Variants in NAALADL2 observed in about 807,000 individuals in gnomAD.
NAALADL2 encodes N-acetylated alpha-linked acidic dipeptidase like 2.
In NAALADL2, 76 loss-of-function variants were observed where a neutral mutation model predicts 87.2. The ratio of observed to expected loss-of-function variants is 0.87; its 90% CI spans 0.72 to 1.05. The LOEUF (loss-of-function observed/expected upper bound fraction) is 1.05, where lower values mean the gene tolerates loss of function less well. Ranked by LOEUF, NAALADL2 falls within the 50% of genes least tolerant of loss-of-function variation. The pLI is 0.00. For synonymous variants in NAALADL2, 354 were observed against 331.0 expected (o/e 1.07, Z -0.75); for missense variants, 1,089 against 945.8 (o/e 1.15, Z -1.99).
chr3:174,747,981 G>A (rs948481672), intron 3 of NAALADL2, among the ~76,000 whole-genome samples: 12 of 152,078 alleles, frequency 7.9e-5, no homozygotes, highest in East Asian at 1.9e-4. Context: ...CTATGCAGCC[G>A]TAAAAGGGAA....
At chr3:174,471,429 A>C (rs192148795) in intron 1 of NAALADL2, among the ~76,000 whole-genome samples, 1 of 152,232 alleles carries the variant, frequency 6.6e-6, no homozygotes, top group African/African-American at 2.4e-5. Context: ...GGTACTAGAA[A>C]CAGTTACTCC....
chr3:174,672,085 C>G (rs1726606391), intron 2 of NAALADL2, among the ~76,000 whole-genome samples: 1 of 151,994 alleles, frequency 6.6e-6, no homozygotes, highest in African/African-American at 2.4e-5. Flanking sequence ...ATATCCTTAA[C>G]TGATTAAGGT....
chr3:175,295,373 C>G (rs1031072680), intron 4 of NAALADL2, among the ~76,000 whole-genome samples: 1 of 152,052 alleles, frequency 6.6e-6, no homozygotes, highest in East Asian at 1.9e-4. Context: ...AACCTGAATT[C>G]GTTTCTTTTC....
At chr3:175,322,249 A>C (rs906029906) in intron 4 of NAALADL2, among the ~76,000 whole-genome samples, 27 of 150,068 alleles carry the variant, frequency 1.8e-4, no homozygotes, top group Non-Finnish European at 5.9e-5. Context: ...AGGATTCCCT[A>C]TTTAATAAAT....
In NAALADL2 at chr3:175,803,419, A is replaced by C. The variant is rs1754427187; in HGVS notation, c.*216A>C. On this transcript the variant is annotated 3_prime_UTR_variant, in exon 14 of 14. Coordinates refer to ENST00000454872, the MANE Select transcript of NAALADL2 (RefSeq NM_207015.3). ...TCTACATTTCTGAATATGTAAAGCA[A>C]GTTATTGAAATAGGACTTAAGAATT... The C allele has an allele frequency of 2.8e-6, 1 of 350,942 alleles. No individual in the cohort carries two copies. Among genetic ancestry groups the C allele is most frequent in the African/African-American group, 2.1e-5 (1 of 47,448 alleles). The allele number at this position is 350,942 out of a possible 1,614,324, so 21.7% of individuals were successfully genotyped here. A position where few individuals can be genotyped will look rare whatever the true frequency, so the allele number is the denominator to read the frequency against.
At chr3:174,628,110 G>A (rs1046938486) in intron 2 of NAALADL2, among the ~76,000 whole-genome samples, 3 of 152,114 alleles carry the variant, frequency 2.0e-5, no homozygotes, top group Non-Finnish European at 2.9e-5. Flanking sequence ...AAACATAATT[G>A]TTGTTAAGAA....
At chr3:174,756,563 G>C (rs995506670) in intron 3 of NAALADL2, among the ~76,000 whole-genome samples, 1 of 152,230 alleles carries the variant, frequency 6.6e-6, no homozygotes, top group Non-Finnish European at 1.5e-5. Flanking sequence ...TCTCAGAGCA[G>C]AATTAAGATG....
At chr3:175,286,932 A>G (rs1390905384) in intron 4 of NAALADL2, among the ~76,000 whole-genome samples, 1 of 148,584 alleles carries the variant, frequency 6.7e-6, no homozygotes, top group East Asian at 2.0e-4. Flanking sequence ...ACAAAAACAA[A>G]TCAGCAAGGC....
intron 1 of NAALADL2, among the ~76,000 whole-genome samples, chr3:174,909,317 C>T (rs908707417): frequency 1.3e-5 from 2 of 152,008 alleles, no homozygotes; most frequent in African/African-American, 2.4e-5. Context: ...TTGCTTGAAT[C>T]CCGGGAGACA....
chr3:174,668,420 G>A (rs1291176221), intron 2 of NAALADL2, among the ~76,000 whole-genome samples: 3 of 88,924 alleles, frequency 3.4e-5, no homozygotes, highest in Non-Finnish European at 8.5e-5. Context: ...CTTATAATTT[G>A]AGGTCTTTTT....
intron 4 of NAALADL2, among the ~76,000 whole-genome samples, chr3:175,269,422 A>G (rs552486302): frequency 6.6e-6 from 1 of 152,362 alleles, no homozygotes; most frequent in East Asian, 1.9e-4. Context: ...CACCACAAAC[A>G]TGTAAGTAAT....
intron 2 of NAALADL2, among the ~76,000 whole-genome samples, chr3:174,711,782 T>G (rs1029851237): frequency 1.1e-4 from 17 of 152,182 alleles, no homozygotes; most frequent in Non-Finnish European, 1.5e-5. Flanking sequence ...CAAGGAACAT[T>G]TCAAGATAAA....
At chr3:174,885,095 G>C (rs544235169) in intron 1 of NAALADL2, among the ~76,000 whole-genome samples, 51 of 152,210 alleles carry the variant, frequency 3.4e-4, no homozygotes, top group Admixed American at 7.9e-4. Context: ...TTTCATCACA[G>C]TTTACAACCT....
intron 11 of NAALADL2, among the ~76,000 whole-genome samples, chr3:175,731,136 C>T (rs562817328): frequency 2.8e-4 from 42 of 152,248 alleles, no homozygotes; most frequent in Admixed American, 1.1e-3. Context: ...TAGATTCTGA[C>T]TTAAACCTCG....
At chr3:175,705,411 G>A (rs1439773748) in intron 11 of NAALADL2, among the ~76,000 whole-genome samples, 2 of 151,934 alleles carry the variant, frequency 1.3e-5, no homozygotes, top group African/African-American at 4.8e-5. Context: ...TTTCAGTATG[G>A]TATGTGCTAA....
At chr3:174,964,140 A>G (rs1273655583) in intron 1 of NAALADL2, among the ~76,000 whole-genome samples, 1 of 152,114 alleles carries the variant, frequency 6.6e-6, no homozygotes, top group Non-Finnish European at 1.5e-5. Context: ...ATGTAATGAA[A>G]TAGTTATTCA....
At chr3:174,459,380 G>C (rs1388905763) in intron 1 of NAALADL2, 1 of 152,164 alleles carries the variant, frequency 6.6e-6, no homozygotes, top group Non-Finnish European at 1.5e-5. Context: ...GAGAACCCGA[G>C]ACTAGTATGT....
intron 10 of NAALADL2, among the ~76,000 whole-genome samples, chr3:175,596,819 C>T (rs1245529496): frequency 9.9e-5 from 15 of 151,874 alleles, no homozygotes; most frequent in Admixed American, 2.0e-4. Context: ...TTATTTTTAC[C>T]GCCTAAGTCC....
intron 2 of NAALADL2, among the ~76,000 whole-genome samples, chr3:174,708,097 C>T (rs974205950): frequency 6.6e-6 from 1 of 152,028 alleles, no homozygotes; most frequent in African/African-American, 2.4e-5. Flanking sequence ...GCCAATTTGC[C>T]AACAATTGCC....
Sources: gnomAD v4.1 joint callset for allele counts (sites outside exome capture counted in the v4.1 genomes callset) on GRCh38, gnomAD v4.1.1 for gene constraint, MANE v1.5 for transcripts, NCBI Gene and HGNC (gene_info 2026-07-23, HGNC 2026-07-21) for gene names.